CRTAC1: variants seen among roughly 807,000 people sequenced by gnomAD.
CRTAC1 encodes the protein cartilage acidic protein 1.
CRTAC1 carries 37 observed loss-of-function variants against 67.8 expected under a neutral mutation model. The observed-to-expected ratio is 0.55, with a 90% CI of 0.42 to 0.72. The LOEUF is 0.72. Ranked by LOEUF, CRTAC1 falls within the 30% of genes least tolerant of loss-of-function variation. The pLI, the probability that CRTAC1 is intolerant of heterozygous loss-of-function variation, is 0.00. For missense variants in CRTAC1, 780 were observed against 931.6 expected (o/e 0.84, Z 2.12); for synonymous variants, 348 against 371.0 (o/e 0.94, Z 0.71).
intron 3 of CRTAC1, among the ~76,000 whole-genome samples, chr10:97,923,821 C>T (rs945993029): frequency 3.3e-5 from 5 of 152,152 alleles, no homozygotes; most frequent in South Asian, 2.1e-4. Context: ...TCTACTGGAT[C>T]GCAGGACCTA....
At chr10:97,990,770 G>A (rs1027209056) in intron 2 of CRTAC1, among the ~76,000 whole-genome samples, 8 of 152,160 alleles carry the variant, frequency 5.3e-5, no homozygotes, top group African/African-American at 1.9e-4. Context: ...AAAAGAATGA[G>A]TAGAATGAAC....
chr10:97,994,895 G>A (rs578164619), intron 2 of CRTAC1, among the ~76,000 whole-genome samples: 1 of 152,330 alleles, frequency 6.6e-6, no homozygotes, highest in African/African-American at 2.4e-5. Flanking sequence ...CTTATCCTGT[G>A]TGAGGAGCTC....
intron 11 of CRTAC1, among the ~76,000 whole-genome samples, chr10:97,891,110 G>C (rs910177392): frequency 6.6e-6 from 1 of 152,208 alleles, no homozygotes; most frequent in African/African-American, 2.4e-5. Context: ...TTGGCACACA[G>C]TACGTGCTCA....
chr10:97,878,946 C>T (rs189394710), intron 14 of CRTAC1, among the ~76,000 whole-genome samples: 109 of 152,282 alleles, frequency 7.2e-4, no homozygotes, highest in African/African-American at 2.4e-3. Context: ...CATTGTTGTA[C>T]GCAACCAAAC....
At chr10:98,021,569 A>G (rs943940805) in intron 1 of CRTAC1, among the ~76,000 whole-genome samples, 1 of 152,238 alleles carries the variant, frequency 6.6e-6, no homozygotes, top group Non-Finnish European at 1.5e-5. Context: ...AATAATGTTT[A>G]TCGGGTTGCC....
At chr10:97,936,928 C>T (rs796245356) in intron 2 of CRTAC1, among the ~76,000 whole-genome samples, 27 of 152,156 alleles carry the variant, frequency 1.8e-4, no homozygotes, top group South Asian at 6.2e-4. Context: ...TCTACTATCC[C>T]GAGTCCTGAG....
In CRTAC1 at chr10:97,899,392, G is replaced by A. The variant is rs374681995; in HGVS notation, c.1133+2111C>T. ...TCCTTCCACCCAGCCCTTTCTCCCC[G>A]CTGCAGGGGACGCTGGGAGATTTGA... On this transcript the variant is annotated intron_variant, in intron 8 of 14. Coordinates refer to ENST00000370597, the MANE Select transcript of CRTAC1 (RefSeq NM_018058.7). 1.4e-4 allele frequency among the ~76,000 whole-genome samples: 21 copies of A among 152,216 alleles called. No individual in the cohort carries two copies. In the South Asian group the frequency reaches 2.7e-3, roughly 20 times the overall value.
chr10:98,030,391 G>T lies in CRTAC1; in HGVS notation c.24+58C>A, dbSNP rs889335453. 9.9e-6 allele frequency: 11 copies of T among 1,107,152 alleles called. No individual in the cohort carries two copies. The African/African-American group carries it at 1.5e-4, about 15-fold the overall frequency. The allele number at this position is 1,107,152 out of a possible 1,614,324, so 68.6% of individuals were successfully genotyped here. ...CTTGCGGGCGGATCCGGGGGGGCGC[G>T]CAGAGCTGGAGAAACTTTCTCCGCC... On this transcript the variant is annotated intron_variant, in intron 1 of 14. Coordinates refer to ENST00000370597, the MANE Select transcript of CRTAC1 (RefSeq NM_018058.7). The surrounding 1 kb of genome is among the most constrained non-coding windows in gnomAD (Gnocchi z 4.2).
chr10:98,007,201 A>C (rs1299395763), intron 2 of CRTAC1, among the ~76,000 whole-genome samples: 4 of 152,218 alleles, frequency 2.6e-5, no homozygotes, highest in Non-Finnish European at 4.4e-5. Context: ...GCTGGATTAC[A>C]GTAGGATTGC....
Position 97,895,212 on chromosome 10 carries a change from C to T in CRTAC1, c.1486+33G>A. On this transcript the variant is annotated intron_variant, in intron 11 of 14. Coordinates refer to ENST00000370597, the MANE Select transcript of CRTAC1 (RefSeq NM_018058.7). The surrounding 1 kb of genome is among the most constrained non-coding windows in gnomAD (Gnocchi z 4.2). ...CCTGAATCAGTCAGCATCCTGATAA[C>T]AGCTCACTGTCCCCCACCGGACCCC... is the stretch of plus-strand genomic sequence containing the variant. 1 of 1,596,882 alleles carries T rather than the reference C, an allele frequency of 6.3e-7. No individual in the cohort carries two copies.
chr10:97,903,390 C>A (rs183582395), intron 7 of CRTAC1, among the ~76,000 whole-genome samples: 265 of 151,058 alleles, frequency 1.8e-3, no homozygotes, highest in African/African-American at 6.0e-3. Flanking sequence ...TGGGTGAGAA[C>A]AAGAGTAGAA....
At chr10:97,885,604 G>A (rs1044034468) in intron 11 of CRTAC1, among the ~76,000 whole-genome samples, 16 of 152,234 alleles carry the variant, frequency 1.1e-4, no homozygotes, top group South Asian at 6.2e-4. Flanking sequence ...AAACAGGCCC[G>A]TCACTGTGGC....
At chr10:98,021,925 A>T (rs541305761) in intron 1 of CRTAC1, among the ~76,000 whole-genome samples, 1 of 152,202 alleles carries the variant, frequency 6.6e-6, no homozygotes, top group Non-Finnish European at 1.5e-5. Flanking sequence ...TGCTATACAC[A>T]TTAATTCTTC....
At chr10:97,939,821 C>G (rs927588062) in intron 2 of CRTAC1, among the ~76,000 whole-genome samples, 1 of 152,138 alleles carries the variant, frequency 6.6e-6, no homozygotes, top group East Asian at 1.9e-4. Context: ...AATGCCTGCC[C>G]CGACTGCCCC....
intron 6 of CRTAC1, among the ~76,000 whole-genome samples, chr10:97,906,414 G>C (rs928181627): frequency 6.6e-6 from 1 of 152,124 alleles, no homozygotes; most frequent in Non-Finnish European, 1.5e-5. Context: ...ATCTGTTTGG[G>C]TGATGAATGC....
At chr10:97,973,849 G>T (rs1001544913) in intron 2 of CRTAC1, among the ~76,000 whole-genome samples, 1 of 151,696 alleles carries the variant, frequency 6.6e-6, no homozygotes, top group Non-Finnish European at 1.5e-5. Flanking sequence ...GAAGTCAGGG[G>T]TGTGTGGATA....
intron 2 of CRTAC1, among the ~76,000 whole-genome samples, chr10:97,943,919 A>G (rs1045979805): frequency 4.6e-5 from 7 of 152,276 alleles, no homozygotes; most frequent in Admixed American, 6.5e-5. Flanking sequence ...GCCTTATAGT[A>G]TGAGTATATT....
intron 14 of CRTAC1, among the ~76,000 whole-genome samples, chr10:97,873,734 C>T (rs2050116499): frequency 6.6e-6 from 1 of 152,152 alleles, no homozygotes; most frequent in South Asian, 2.1e-4. Context: ...TATTCTGGCC[C>T]CAGACTGCTT....
At chr10:97,908,539 T>C (rs1242868586) in intron 5 of CRTAC1, among the ~76,000 whole-genome samples, 1 of 152,208 alleles carries the variant, frequency 6.6e-6, no homozygotes. Context: ...GACTCTCACT[T>C]TGAGTGATAC....
Sources: gnomAD v4.1 joint callset for allele counts (sites outside exome capture counted in the v4.1 genomes callset) on GRCh38, gnomAD v4.1.1 for gene constraint, Gnocchi (gnomAD v3.1) non-coding constraint, MANE v1.5 for transcripts, NCBI Gene and HGNC (gene_info 2026-07-23, HGNC 2026-07-21) for gene names.